ZNF185: variants seen among roughly 807,000 people sequenced by gnomAD.
ZNF185 encodes zinc finger protein 185.
ZNF185 carries 56 observed loss-of-function variants against 58.6 expected under a neutral mutation model. The ratio of observed to expected loss-of-function variants is 0.95; its 90% CI spans 0.77 to 1.19. The LOEUF (loss-of-function observed/expected upper bound fraction) is 1.19, where lower values mean the gene tolerates loss of function less well. Ranked by LOEUF, ZNF185 falls within the 50% of genes most tolerant of loss-of-function variation. The pLI, the probability that ZNF185 is intolerant of heterozygous loss-of-function variation, is 0.00. For missense variants in ZNF185, 627 were observed against 573.5 expected (o/e 1.09, Z -0.95); for synonymous variants, 230 against 215.9 (o/e 1.07, Z -0.57).
chrX:152,927,619 C>T (rs1569498767), intron 11 of ZNF185, among the ~76,000 whole-genome samples: 1 of 112,168 alleles, frequency 8.9e-6, no homozygotes, highest in Non-Finnish European at 1.9e-5. Flanking sequence ...TCCTCCTCCT[C>T]CCCCGATCTC....
In ZNF185 at chrX:152,945,479, G is replaced by A. The variant is rs1367342011; in HGVS notation, c.1409+15G>A. On this transcript the variant is annotated intron_variant, in intron 16 of 22. Transcript: ENST00000449285. ...TGTGGCAGCAGGTAAGGGCTGAGCT[G>A]CAGTGGGCTCTGCCTCTGGAGCCCA... 4.2e-6 allele frequency: 5 copies of A among 1,182,789 alleles called. No individual in the cohort carries two copies. Among genetic ancestry groups the A allele is most frequent in the Admixed American group, 2.4e-5 (1 of 42,124 alleles).
At chrX:152,944,735 A>G (rs186695310) in intron 15 of ZNF185, among the ~76,000 whole-genome samples, 1 of 112,660 alleles carries the variant, frequency 8.9e-6, no homozygotes, top group Non-Finnish European at 1.9e-5. Flanking sequence ...GCAATGGCAC[A>G]TGCCTGTAAT....
intron 18 of ZNF185, among the ~76,000 whole-genome samples, chrX:152,965,230 G>A (rs1214281560): frequency 8.9e-6 from 1 of 112,131 alleles, no homozygotes; most frequent in Non-Finnish European, 1.9e-5. Flanking sequence ...CCTTTCTGGG[G>A]CCCTCAGTCC....
intron 14 of ZNF185, among the ~76,000 whole-genome samples, chrX:152,934,801 A>ACATCT (rs1292711486): frequency 9.0e-6 from 1 of 110,802 alleles, no homozygotes; most frequent in African/African-American, 3.3e-5. Context: ...TATTTTTCCC[A>ACATCT]CATCTCATCT....
chrX:152,923,551 T>C (rs1940206296), intron 11 of ZNF185, among the ~76,000 whole-genome samples: 1 of 112,443 alleles, frequency 8.9e-6, no homozygotes, highest in South Asian at 3.7e-4. Flanking sequence ...AGGCAATATC[T>C]AGGGCAGAGC....
chrX:152,963,920 C>T (rs782155988), exon 18 of ZNF185: 53 of 1,210,022 alleles, frequency 4.4e-5, no homozygotes, highest in South Asian at 1.2e-4. Context: ...TTCCAGCCCC[C>T]GCAAGTGAAT....
chrX:152,924,410 C>T (rs1275095470), intron 11 of ZNF185, among the ~76,000 whole-genome samples: 6 of 111,312 alleles, frequency 5.4e-5, no homozygotes, highest in African/African-American at 1.3e-4. Context: ...CATGAGCCAC[C>T]GCGCCCAGAC....
At chrX:152,935,160 G>A (rs781856660) in intron 14 of ZNF185, among the ~76,000 whole-genome samples, 1 of 110,656 alleles carries the variant, frequency 9.0e-6, no homozygotes, top group Non-Finnish European at 1.9e-5. Flanking sequence ...TGAATCCACA[G>A]ATGTGGAACC....
chrX:152,903,974 T>C, the ZNF185 span, among the ~76,000 whole-genome samples: 1 of 111,085 alleles, frequency 9.0e-6, no homozygotes, highest in Admixed American at 9.5e-5. Flanking sequence ...TGGGGAGAGG[T>C]GAAATTCCAG....
chrX:152,909,805 G>T (rs1483942841), upstream of ZNF185, among the ~76,000 whole-genome samples: 1 of 112,415 alleles, frequency 8.9e-6, no homozygotes, highest in Non-Finnish European at 1.9e-5. Context: ...GCTGCTGTGG[G>T]GATTTCCTCC....
chrX:152,960,386 G>C (rs1203650731), intron 17 of ZNF185, among the ~76,000 whole-genome samples: 2 of 112,477 alleles, frequency 1.8e-5, no homozygotes, highest in African/African-American at 6.5e-5. Flanking sequence ...CTCATTGATT[G>C]CAAGAAGTTG....
chrX:152,907,159 C>G, the ZNF185 span, among the ~76,000 whole-genome samples: 8 of 111,646 alleles, frequency 7.2e-5, no homozygotes, highest in Admixed American at 7.6e-4. Flanking sequence ...TTTCTCCTGC[C>G]GCTCCCGTCT....
intron 15 of ZNF185, among the ~76,000 whole-genome samples, chrX:152,941,213 C>T (rs1208639776): frequency 8.9e-6 from 1 of 111,908 alleles, no homozygotes; most frequent in Non-Finnish European, 1.9e-5. Context: ...CCATCGTTCT[C>T]AGGTAGTGGT....
chrX:152,955,744 A>G (rs782749357), intron 16 of ZNF185, among the ~76,000 whole-genome samples: 248 of 111,367 alleles, frequency 2.2e-3, no homozygotes, highest in Non-Finnish European at 3.7e-3. Context: ...TCTACTAAAA[A>G]TACAAAAATT....
chrX:152,972,358 C>G (rs1407538660), exon 23 of ZNF185: 2 of 111,152 alleles, frequency 1.8e-5, no homozygotes, highest in Non-Finnish European at 3.8e-5. Context: ...CAGGTTAACA[C>G]CCTCCCTTCA....
intron 11 of ZNF185, among the ~76,000 whole-genome samples, chrX:152,924,778 G>A (rs1210504577): frequency 9.0e-6 from 1 of 111,269 alleles, no homozygotes; most frequent in African/African-American, 3.3e-5. Flanking sequence ...TCCGCCTCCC[G>A]GGTTCAAGCG....
chrX:152,932,297 C>T (rs1348145627), intron 13 of ZNF185, among the ~76,000 whole-genome samples: 1 of 112,222 alleles, frequency 8.9e-6, no homozygotes, highest in Non-Finnish European at 1.9e-5. Context: ...GTGAGGGGTC[C>T]AGGACGGGAA....
intron 16 of ZNF185, among the ~76,000 whole-genome samples, chrX:152,947,890 CT>C (rs1192971572): frequency 1.5e-4 from 17 of 111,729 alleles, no homozygotes; most frequent in Non-Finnish European, 2.4e-4. Context: ...TTCTGCTCTT[CT>C]TTTGTCTCAA....
chrX:152,944,325 G>A (rs2047555565), intron 15 of ZNF185, among the ~76,000 whole-genome samples: 1 of 112,547 alleles, frequency 8.9e-6, no homozygotes, highest in African/African-American at 3.2e-5. Context: ...GCGTGTTCTT[G>A]TCTCGGGGTA....
Sources: gnomAD v4.1 joint callset for allele counts (sites outside exome capture counted in the v4.1 genomes callset) on GRCh38, gnomAD v4.1.1 for gene constraint, MANE v1.5 for transcripts, NCBI Gene and HGNC (gene_info 2026-07-23, HGNC 2026-07-21) for gene names.